The following OPCML variants were observed in gnomAD, a reference collection of about 807,000 sequenced individuals.
OPCML encodes opioid binding protein/cell adhesion molecule like.
OPCML carries 13 observed loss-of-function variants against 37.8 expected under a neutral mutation model. That is an observed-to-expected ratio of 0.34 (90% CI 0.22 to 0.55). The LOEUF is 0.55. OPCML is among the 20% of genes least tolerant of loss of function. OPCML has a pLI of 0.91. For missense variants in OPCML, 341 were observed against 435.6 expected, an observed-to-expected ratio of 0.78 and a Z score of 1.93; for synonymous variants, 176 against 168.8, an observed-to-expected ratio of 1.04 and a Z score of -0.33.
intron 2 of OPCML, among the ~76,000 whole-genome samples, chr11:132,774,150 C>A (rs1240276856): frequency 2.0e-5 from 3 of 152,096 alleles, no homozygotes; most frequent in Non-Finnish European, 4.4e-5. Context: ...ATGTGTTAAG[C>A]TTCATTGGGG....
At chr11:132,877,363 G>T (rs2136416413) in intron 2 of OPCML, among the ~76,000 whole-genome samples, 1 of 152,254 alleles carries the variant, frequency 6.6e-6, no homozygotes, top group South Asian at 2.1e-4. Flanking sequence ...AGGTAACAGA[G>T]AATCAAATCA....
intron 1 of OPCML, among the ~76,000 whole-genome samples, chr11:132,989,576 T>C (rs1168944400): frequency 1.3e-5 from 2 of 150,078 alleles, no homozygotes; most frequent in Non-Finnish European, 3.0e-5. Context: ...GCGCTGGAGA[T>C]GCAGGTTGAT....
chr11:133,196,233 G>A (rs775611079), intron 1 of OPCML, among the ~76,000 whole-genome samples: 9 of 152,168 alleles, frequency 5.9e-5, no homozygotes, highest in Non-Finnish European at 1.0e-4. Context: ...TCCCTAAATC[G>A]ATTCTGCCCC....
intron 2 of OPCML, among the ~76,000 whole-genome samples, chr11:132,785,089 C>T (rs1947163308): frequency 6.6e-6 from 1 of 152,140 alleles, no homozygotes; most frequent in Non-Finnish European, 1.5e-5. Context: ...AATTTATGTG[C>T]TTAGAAAATA....
At chr11:133,157,118 C>A (rs1398460828) in intron 1 of OPCML, among the ~76,000 whole-genome samples, 2 of 152,002 alleles carry the variant, frequency 1.3e-5, no homozygotes, top group African/African-American at 4.8e-5. Flanking sequence ...CAGAGGGAGC[C>A]GGCAATTTCT....
intron 4 of OPCML, among the ~76,000 whole-genome samples, chr11:132,466,774 G>T (rs971288322): frequency 6.6e-6 from 1 of 152,062 alleles, no homozygotes; most frequent in Non-Finnish European, 1.5e-5. Flanking sequence ...CTGGAGCCTC[G>T]GGTCCGTGTC....
intron 1 of OPCML, chr11:133,008,548 T>A (rs1386377425): frequency 1.8e-6 from 1 of 562,874 alleles, no homozygotes; most frequent in African/African-American, 2.0e-5. Context: ...TGAGCCTCTC[T>A]CTGGGAACTG....
At chr11:132,603,726 C>G (rs1938082778) in intron 3 of OPCML, among the ~76,000 whole-genome samples, 1 of 152,058 alleles carries the variant, frequency 6.6e-6, no homozygotes, top group South Asian at 2.1e-4. Context: ...CTCATGCTTG[C>G]AAAAAACTGT....
At chr11:132,501,211 C>T (rs1461589903) in intron 4 of OPCML, among the ~76,000 whole-genome samples, 1 of 152,156 alleles carries the variant, frequency 6.6e-6, no homozygotes, top group Non-Finnish European at 1.5e-5. Context: ...TTTCCTTACA[C>T]CTTATACAAA....
chr11:133,272,587 G>A (rs924717470), intron 1 of OPCML, among the ~76,000 whole-genome samples: 4 of 152,280 alleles, frequency 2.6e-5, no homozygotes, highest in East Asian at 1.9e-4. Context: ...GGGCCGGCCC[G>A]GGGACGCTCG....
At chr11:133,278,068 C>T (rs1942042016) in intron 1 of OPCML, among the ~76,000 whole-genome samples, 3 of 152,138 alleles carry the variant, frequency 2.0e-5, no homozygotes, top group African/African-American at 7.2e-5. Flanking sequence ...TGAAAGTGAG[C>T]CGGGGACACC....
intron 2 of OPCML, among the ~76,000 whole-genome samples, chr11:132,816,401 T>A (rs1939640365): frequency 6.6e-6 from 1 of 152,230 alleles, no homozygotes; most frequent in East Asian, 1.9e-4. Flanking sequence ...CCAATAAAAC[T>A]TTATTTACAG....
intron 2 of OPCML, among the ~76,000 whole-genome samples, chr11:132,795,682 T>C (rs965303926): frequency 6.6e-6 from 1 of 152,194 alleles, no homozygotes; most frequent in African/African-American, 2.4e-5. Context: ...CAATAGCATG[T>C]TTTTGTGACT....
intron 2 of OPCML, among the ~76,000 whole-genome samples, chr11:132,918,617 A>G (rs1474597547): frequency 1.3e-5 from 2 of 152,164 alleles, no homozygotes; most frequent in Non-Finnish European, 2.9e-5. Flanking sequence ...AATTTTTTCT[A>G]GTAGGTTTAA....
At chr11:133,512,182 A>G (rs1213646471) in intron 1 of OPCML, among the ~76,000 whole-genome samples, 1 of 152,230 alleles carries the variant, frequency 6.6e-6, no homozygotes, top group Non-Finnish European at 1.5e-5. Flanking sequence ...TTTCTGACCA[A>G]CCAGCAACAA....
chr11:133,469,211 T>C (rs1947046566), intron 1 of OPCML, among the ~76,000 whole-genome samples: 1 of 152,190 alleles, frequency 6.6e-6, no homozygotes, highest in Admixed American at 6.5e-5. Flanking sequence ...ATAATGATAG[T>C]TCGGCCAATG....
At chr11:132,741,339 T>C (rs999256822) in intron 2 of OPCML, among the ~76,000 whole-genome samples, 1 of 152,190 alleles carries the variant, frequency 6.6e-6, no homozygotes, top group Non-Finnish European at 1.5e-5. Flanking sequence ...CTGAATCTTT[T>C]CTTAGCACAC....
chr11:132,880,875 T>G (rs561945123), intron 2 of OPCML, among the ~76,000 whole-genome samples: 2 of 152,354 alleles, frequency 1.3e-5, no homozygotes, highest in East Asian at 1.9e-4. Context: ...TTTCTTCCCG[T>G]GTCTCTGACT....
chr11:132,758,503 A>C (rs1238556916), intron 2 of OPCML, among the ~76,000 whole-genome samples: 1 of 152,146 alleles, frequency 6.6e-6, no homozygotes, highest in Non-Finnish European at 1.5e-5. Context: ...TTCTTCTTGA[A>C]GAAGTCCTTC....
Sources: gnomAD v4.1 joint callset for allele counts (sites outside exome capture counted in the v4.1 genomes callset) on GRCh38, gnomAD v4.1.1 for gene constraint, MANE v1.5 for transcripts, NCBI Gene and HGNC (gene_info 2026-07-23, HGNC 2026-07-21) for gene names.